Variants in KIF9 observed in about 807,000 individuals in gnomAD.
KIF9 encodes the protein kinesin-like protein KIF9.
Under a neutral mutation model 94.8 loss-of-function variants are expected in KIF9, and 68 were observed. The ratio of observed to expected loss-of-function variants is 0.72; its 90% CI spans 0.59 to 0.88. The LOEUF (loss-of-function observed/expected upper bound fraction) is 0.88. Ranked by LOEUF, KIF9 falls within the 40% of genes least tolerant of loss-of-function variation. KIF9 has a pLI of 0.00. For synonymous variants in KIF9, 343 were observed against 362.1 expected (o/e 0.95, Z 0.60); for missense variants, 882 against 982.5 (o/e 0.90, Z 1.37).
At chr3:47,234,614 G>C (rs181689934) in intron 20 of KIF9, among the ~76,000 whole-genome samples, 2 of 148,902 alleles carry the variant, frequency 1.3e-5, no homozygotes, top group Non-Finnish European at 2.9e-5. Context: ...GAGTAAAGTG[G>C]TGTGATCTTG....
At position 47,245,456 on chromosome 3, in the gene KIF9, T is replaced by G; in HGVS notation, c.1345A>C (p.Arg449=). Reference sequence around the variant, plus strand: ...GCAGAAATGGCTGCAAAGTCATTCCTGTCAATGAGGGTGTACTTCCTGCGC... The same window carrying G: ...GCAGAAATGGCTGCAAAGTCATTCCGGTCAATGAGGGTGTACTTCCTGCGC... The part of the protein sequence containing the change: ...TLRRKYTLID[R]NDFAAISAIQ... The change falls in exon 14 of 21, where the codon AGG becomes CGG. Residue 449 remains arginine (R), a synonymous_variant. Transcript: ENST00000684063. 1.2e-6 allele frequency: 2 copies of G among 1,614,136 alleles called. No homozygotes were observed. Among genetic ancestry groups the G allele is most frequent in the Non-Finnish European group, 1.7e-6 (2 of 1,180,026 alleles).
intron 3 of KIF9, 142 bp downstream of exon 3, chr3:47,275,183 G>GT (rs1701882150): frequency 1.5e-6 from 1 of 660,420 alleles, no homozygotes; most frequent in Non-Finnish European, 2.5e-6. Context: ...CAAGCAAACA[G>GT]TAAGTTTTGC....
rs1698955994 is a variant in KIF9 at position 47,235,538 on chromosome 3, T to C, written c.2297A>G (p.Asn766Ser). 1.2e-6 allele frequency: 2 copies of C among 1,613,678 alleles called. No individual in the cohort carries two copies. Among genetic ancestry groups the C allele is most frequent in the Non-Finnish European group, 1.7e-6 (2 of 1,179,694 alleles). ...PEGPDSISFY[N>S]AKVKIEQKHN... ...CTTCTGCTCTATCTTGACTTTGGCA[T>C]TGTAGAAGGAGATGGAATCAGGGCC... The change falls in exon 20 of 21, where the codon AAT becomes AGT. Residue 766 changes from asparagine to serine, a missense_variant. Physicochemically the swap from Asn to Ser is conservative, Grantham distance 46. Transcript: ENST00000684063.
chr3:47,247,244 C>T, intron 12 of KIF9, 129 bp downstream of exon 12: 1 of 642,538 alleles, frequency 1.6e-6, no homozygotes, highest in South Asian at 1.8e-5. Flanking sequence ...ATCAAGAGTC[C>T]AGCACCACCC....
At chr3:47,245,068 G>A (rs1699834261) in intron 14 of KIF9, 144 bp from the exon 15 acceptor site, 3 of 1,135,332 alleles carry the variant, frequency 2.6e-6, no homozygotes, top group Non-Finnish European at 3.7e-6. Flanking sequence ...GCCAGCCTCA[G>A]GCTGTCCCCT....
chr3:47,243,042 G>A lies in KIF9; in HGVS notation c.1709+9C>T. 1 of 1,593,578 alleles carries A rather than the reference G, an allele frequency of 6.3e-7. No individual in the cohort carries two copies. The highest frequency in any genetic ancestry group is 8.6e-7 in the Non-Finnish European group (1 of 1,163,308). On this transcript the variant is annotated intron_variant, in intron 16 of 20. Transcript: ENST00000684063. ...TGATCTGGTGCAGAAGCTAACATTAGCTGATTACCTAATTGGGCGTAATTC... is the reference window on the plus strand; with the variant it reads ...TGATCTGGTGCAGAAGCTAACATTAACTGATTACCTAATTGGGCGTAATTC...
intron 10 of KIF9, among the ~76,000 whole-genome samples, chr3:47,253,083 C>T (rs1287223134): frequency 6.6e-6 from 1 of 152,016 alleles, no homozygotes; most frequent in Non-Finnish European, 1.5e-5. Flanking sequence ...CAAAATAATG[C>T]CATAAAACCT....
intron 1 of KIF9, among the ~76,000 whole-genome samples, chr3:47,278,552 G>A (rs1702119692): frequency 6.6e-6 from 1 of 152,136 alleles, no homozygotes; most frequent in Non-Finnish European, 1.5e-5. Context: ...ACTTTTGGCT[G>A]GGTGCAATGG....
At chr3:47,274,058 T>A (rs754364481) in intron 3 of KIF9, among the ~76,000 whole-genome samples, 3 of 152,178 alleles carry the variant, frequency 2.0e-5, no homozygotes, top group African/African-American at 7.2e-5. Context: ...GGTCTCAGGG[T>A]TGGCAGGAGG....
chr3:47,246,958 T>C (rs1699964176), intron 12 of KIF9, among the ~76,000 whole-genome samples: 1 of 152,176 alleles, frequency 6.6e-6, no homozygotes, highest in African/African-American at 2.4e-5. Flanking sequence ...CACTCCAACA[T>C]GGGCCCTGGG....
chr3:47,250,626 T>A (rs1412711837), intron 10 of KIF9: 3 of 436,716 alleles, frequency 6.9e-6, no homozygotes, highest in African/African-American at 6.0e-5. Context: ...TACAAAAGGA[T>A]CATAAATGAC....
At chr3:47,230,279 CAAA>C (rs374194307) in intron 20 of KIF9, among the ~76,000 whole-genome samples, 3 of 85,004 alleles carry the variant, frequency 3.5e-5, no homozygotes, top group African/African-American at 5.0e-5. Context: ...AAGACCTTGT[CAAA>C]AAAAAAAAAA....
intron 5 of KIF9, among the ~76,000 whole-genome samples, chr3:47,270,975 CAAAA>C (rs35244035): frequency 2.2e-5 from 2 of 90,972 alleles, no homozygotes; most frequent in African/African-American, 1.0e-4. Context: ...CTTGTCTCTA[CAAAA>C]AAAAAAAAAA....
chr3:47,271,539 A>G, intron 4 of KIF9, 78 bp from the exon 5 acceptor site: 1 of 942,784 alleles, frequency 1.1e-6, no homozygotes, highest in African/African-American at 1.6e-5. Flanking sequence ...TTCCTAACTC[A>G]GAAGGGAACA....
At chr3:47,252,085 G>A (rs762479168) in intron 10 of KIF9, among the ~76,000 whole-genome samples, 7 of 152,168 alleles carry the variant, frequency 4.6e-5, no homozygotes, top group South Asian at 2.1e-4. Flanking sequence ...CATCAATACC[G>A]AAGACAGTGC....
intron 13 of KIF9, chr3:47,245,799 G>A: frequency 2.0e-6 from 1 of 507,158 alleles, no homozygotes; most frequent in South Asian, 2.5e-5. Context: ...GACCATGTGG[G>A]GTTCTGTCTT....
intron 9 of KIF9, among the ~76,000 whole-genome samples, chr3:47,263,122 C>T (rs1701086746): frequency 6.6e-6 from 1 of 152,122 alleles, no homozygotes; most frequent in African/African-American, 2.4e-5. Context: ...GTCTTGAACT[C>T]CTGACCTCAG....
chr3:47,233,458 G>A (rs756353962), intron 20 of KIF9, among the ~76,000 whole-genome samples: 1 of 151,690 alleles, frequency 6.6e-6, no homozygotes, highest in African/African-American at 2.4e-5. Context: ...CACTTTGGGA[G>A]GCCAGGGCAG....
intron 11 of KIF9, 74 bp from the exon 12 acceptor site, chr3:47,247,551 T>G (rs1700006964): frequency 8.4e-7 from 1 of 1,191,026 alleles, no homozygotes. Context: ...GGGGCCATTC[T>G]GAGAGGCAAA....
Sources: gnomAD v4.1 joint callset for allele counts (sites outside exome capture counted in the v4.1 genomes callset) on GRCh38, gnomAD v4.1.1 for gene constraint, MANE v1.5 for transcripts, NCBI Gene and HGNC (gene_info 2026-07-23, HGNC 2026-07-21) for gene names.